The following RBMS3 variants were observed in gnomAD, a reference collection of about 807,000 sequenced individuals.
The protein encoded by RBMS3 is RNA-binding motif, single-stranded-interacting protein 3.
In RBMS3, 27 loss-of-function variants were observed where a neutral mutation model predicts 66.8. The ratio of observed to expected loss-of-function variants is 0.40; its 90% CI spans 0.30 to 0.56. The LOEUF (loss-of-function observed/expected upper bound fraction) is 0.56, where lower values mean the gene tolerates loss of function less well. Among genes scored for constraint, RBMS3 ranks in the 20% least tolerant of loss-of-function variants. The pLI is 0.40. For synonymous variants in RBMS3, 188 were observed against 183.0 expected (o/e 1.03, Z -0.22); for missense variants, 513 against 549.5 (o/e 0.93, Z 0.66).
At chr3:29,459,678 G>A (rs1287921755) in intron 2 of RBMS3, among the ~76,000 whole-genome samples, 1 of 152,236 alleles carries the variant, frequency 6.6e-6, no homozygotes, top group Non-Finnish European at 1.5e-5. Flanking sequence ...CTAGAGGTGA[G>A]TGGGGGAACC....
intron 6 of RBMS3, chr3:29,766,615 A>C (rs1047606679): frequency 2.0e-5 from 3 of 151,948 alleles, no homozygotes; most frequent in Non-Finnish European, 2.9e-5. Context: ...TTCATAAAAG[A>C]TCTTTTTTTA....
At position 29,936,121 on chromosome 3, in the gene RBMS3, G is replaced by A; in HGVS notation, c.975G>A (p.Met325Ile). Reference sequence around the variant, plus strand: ...TTACACCAACCATGGACCATCCCATGTCAATGCAGCCAGCCAACATGATGG... The same window carrying A: ...TTACACCAACCATGGACCATCCCATATCAATGCAGCCAGCCAACATGATGG... ...AVITPTMDHP[M>I]SMQPANMMGP... The change falls in exon 11 of 15, where the codon ATG becomes ATA. Residue 325 changes from methionine to isoleucine, a missense_variant. By Grantham distance (10) the Met-to-Ile change is conservative. Transcript: ENST00000383767. 6.2e-7 allele frequency: 1 copy of A among 1,613,310 alleles called. No individual in the cohort carries two copies. The highest frequency in any genetic ancestry group is 8.5e-7 in the Non-Finnish European group (1 of 1,179,522).
intron 1 of RBMS3, among the ~76,000 whole-genome samples, chr3:29,333,788 C>CT (rs1273982652): frequency 6.6e-6 from 1 of 152,100 alleles, no homozygotes; most frequent in Non-Finnish European, 1.5e-5. Flanking sequence ...TCTTTGTTTT[C>CT]TTAGTAGGAT....
At chr3:29,388,184 A>G (rs1038856166) in intron 1 of RBMS3, among the ~76,000 whole-genome samples, 1 of 151,768 alleles carries the variant, frequency 6.6e-6, no homozygotes, top group Admixed American at 6.5e-5. Flanking sequence ...CTAGCTTTTC[A>G]TATACCTTTA....
chr3:29,537,822 CAAAAAAAAA>C (rs1195812359), intron 3 of RBMS3, among the ~76,000 whole-genome samples: 3 of 70,806 alleles, frequency 4.2e-5, no homozygotes, highest in Admixed American at 3.4e-4. Context: ...GACTCCACCT[CAAAAAAAAA>C]AAAAAAAAGA....
At position 29,858,254 on chromosome 3, in the gene RBMS3, G is replaced by C. The variant is rs1049976210; in HGVS notation, c.638-10604G>C. Among the ~76,000 whole-genome samples the C allele has an allele frequency of 3.3e-5, 5 of 152,044 alleles. No individual in the cohort carries two copies. The South Asian group carries it at 1.0e-3, about 32-fold the overall frequency. On this transcript the variant is annotated intron_variant, in intron 6 of 14. Transcript: ENST00000383767. ...GGGGTATCTGCACTGTAAGATTATA[G>C]TGATATTTTTCTTCCTTGTACCTCT...
intron 12 of RBMS3, among the ~76,000 whole-genome samples, chr3:29,950,434 G>C (rs561419180): frequency 6.6e-6 from 1 of 151,832 alleles, no homozygotes; most frequent in African/African-American, 2.4e-5. Context: ...AGCTAATTGC[G>C]TGTGCAGGAA....
At chr3:29,307,487 G>C (rs1395815901) in intron 1 of RBMS3, among the ~76,000 whole-genome samples, 3 of 151,834 alleles carry the variant, frequency 2.0e-5, no homozygotes, top group Admixed American at 2.0e-4. Context: ...GGGTTTTCTA[G>C]AGGTCAGGAT....
chr3:29,352,356 T>A (rs1257384750), intron 1 of RBMS3, among the ~76,000 whole-genome samples: 1 of 152,072 alleles, frequency 6.6e-6, no homozygotes, highest in Non-Finnish European at 1.5e-5. Flanking sequence ...ATGATATATC[T>A]ATTTATTCAC....
intron 6 of RBMS3, among the ~76,000 whole-genome samples, chr3:29,853,184 A>G (rs2058979364): frequency 6.6e-6 from 1 of 152,096 alleles, no homozygotes; most frequent in African/African-American, 2.4e-5. Context: ...GAGGGAGAGG[A>G]TTAGGAAAAA....
At chr3:29,995,992 G>T (rs1017500642) in intron 14 of RBMS3, among the ~76,000 whole-genome samples, 1 of 152,142 alleles carries the variant, frequency 6.6e-6, no homozygotes, top group Non-Finnish European at 1.5e-5. Context: ...CAAGAGTCAA[G>T]ACCCATCAGT....
intron 12 of RBMS3, among the ~76,000 whole-genome samples, chr3:29,970,132 G>A (rs1444680426): frequency 6.6e-6 from 1 of 152,060 alleles, no homozygotes; most frequent in African/African-American, 2.4e-5. Flanking sequence ...TATAATGTAG[G>A]AAACATGACT....
At chr3:29,680,763 C>G (rs1355862605) in intron 4 of RBMS3, among the ~76,000 whole-genome samples, 1 of 152,096 alleles carries the variant, frequency 6.6e-6, no homozygotes, top group African/African-American at 2.4e-5. Flanking sequence ...AATAAGGCAT[C>G]TATTACAGGT....
chr3:29,602,426 C>T (rs2048178614), intron 4 of RBMS3, among the ~76,000 whole-genome samples: 1 of 151,906 alleles, frequency 6.6e-6, no homozygotes, highest in African/African-American at 2.4e-5. Flanking sequence ...TGCTCCAATC[C>T]CAGCCAAATG....
At chr3:29,362,070 G>T (rs2037627976) in intron 1 of RBMS3, among the ~76,000 whole-genome samples, 1 of 152,246 alleles carries the variant, frequency 6.6e-6, no homozygotes, top group Admixed American at 6.5e-5. Flanking sequence ...TCTCCGTCCA[G>T]CTTTGTTCCA....
intron 1 of RBMS3, among the ~76,000 whole-genome samples, chr3:29,316,006 C>T (rs1378030207): frequency 6.6e-6 from 1 of 151,602 alleles, no homozygotes; most frequent in Non-Finnish European, 1.5e-5. Context: ...GTAAATTTTC[C>T]TTCAAATGCT....
chr3:29,725,060 A>T (rs1199992350), intron 4 of RBMS3, among the ~76,000 whole-genome samples: 1 of 152,220 alleles, frequency 6.6e-6, no homozygotes, highest in African/African-American at 2.4e-5. Context: ...AATGTGCCCA[A>T]GTCAAGAGAT....
rs2049380878 is a variant in RBMS3, at chr3:29,634,056, G to C, written c.399+46851G>C. On this transcript the variant is annotated intron_variant, in intron 4 of 14. Transcript: ENST00000383767. ...ACAAAGGAAGATGTTTATATCATCA[G>C]AATAACTAAAAATAAATAATCTGAT... Among the ~76,000 whole-genome samples the C allele has an allele frequency of 2.0e-5, 3 of 151,774 alleles. No homozygotes were observed. In the South Asian group the frequency reaches 6.2e-4, roughly 31 times the overall value.
chr3:29,618,591 G>C (rs1197916870), intron 4 of RBMS3, among the ~76,000 whole-genome samples: 1 of 151,982 alleles, frequency 6.6e-6, no homozygotes, highest in Non-Finnish European at 1.5e-5. Context: ...TCCTTTGTGG[G>C]TGGGGATAGG....
Sources: gnomAD v4.1 joint callset for allele counts (sites outside exome capture counted in the v4.1 genomes callset) on GRCh38, gnomAD v4.1.1 for gene constraint, MANE v1.5 for transcripts, NCBI Gene and HGNC (gene_info 2026-07-23, HGNC 2026-07-21) for gene names.